SDK1: variants seen among roughly 807,000 people sequenced by gnomAD.
SDK1 encodes the protein sidekick cell adhesion molecule 1.
A neutral mutation model predicts 245.5 loss-of-function variants in SDK1; 157 were observed. The observed-to-expected ratio is 0.64, with a 90% CI of 0.56 to 0.73. The LOEUF (loss-of-function observed/expected upper bound fraction) is 0.73, where lower values mean the gene tolerates loss of function less well. Ranked by LOEUF, SDK1 falls within the 30% of genes least tolerant of loss-of-function variation. The probability of loss-of-function intolerance (pLI) is 0.00; values close to 1 mark genes in which losing one functional copy is unlikely to be tolerated. For missense variants in SDK1, 3,583 were observed against 3,002.3 expected (o/e 1.19, Z -4.52); for synonymous variants, 1,647 against 1,278.5 (o/e 1.29, Z -6.15).
intron 5 of SDK1, among the ~76,000 whole-genome samples, chr7:3,917,262 C>T (rs2128111274): frequency 6.6e-6 from 1 of 152,276 alleles, no homozygotes; most frequent in South Asian, 2.1e-4. Flanking sequence ...TCTCTATTTC[C>T]AAGTCAGCAT....
chr7:4,227,216 T>C, intron 40 of SDK1: 1 of 322,572 alleles, frequency 3.1e-6, no homozygotes, highest in Non-Finnish European at 6.2e-6. Flanking sequence ...AAGAGGGGGC[T>C]GTTGCCATGG....
intron 1 of SDK1, among the ~76,000 whole-genome samples, chr7:3,360,449 G>T (rs558865246): frequency 6.6e-6 from 1 of 152,258 alleles, no homozygotes; most frequent in African/African-American, 2.4e-5. Flanking sequence ...CAGATGCCAG[G>T]CTTATAATGT....
chr7:4,161,485 G>C (rs1781117298), intron 31 of SDK1, among the ~76,000 whole-genome samples: 1 of 152,174 alleles, frequency 6.6e-6, no homozygotes, highest in Non-Finnish European at 1.5e-5. Flanking sequence ...AGGGTCTCGA[G>C]CCAGAGAGCT....
chr7:3,658,016 C>T (rs7785945), intron 4 of SDK1, among the ~76,000 whole-genome samples: 3,561 of 152,288 alleles, frequency 0.023, 143 homozygotes, highest in African/African-American at 0.08. Context: ...AAGGGTCCTG[C>T]ACAGGCCTTG....
At chr7:3,928,032 T>G (rs1023158067) in intron 5 of SDK1, among the ~76,000 whole-genome samples, 1 of 152,212 alleles carries the variant, frequency 6.6e-6, no homozygotes. Context: ...ACTAGGAAAT[T>G]GACGACTTAT....
At chr7:3,303,740 T>G (rs1779342606) in intron 1 of SDK1, among the ~76,000 whole-genome samples, 1 of 152,232 alleles carries the variant, frequency 6.6e-6, no homozygotes, top group Non-Finnish European at 1.5e-5. Flanking sequence ...GTGAAATGTG[T>G]AATATATCCA....
intron 19 of SDK1, among the ~76,000 whole-genome samples, chr7:4,063,683 G>A (rs912643446): frequency 6.6e-6 from 1 of 150,440 alleles, no homozygotes. Flanking sequence ...CAAAAATAAC[G>A]AAACTGGAGG....
intron 1 of SDK1, among the ~76,000 whole-genome samples, chr7:3,413,654 G>C (rs1779276599): frequency 6.6e-6 from 1 of 152,030 alleles, no homozygotes; most frequent in Admixed American, 6.6e-5. Context: ...TCACACCACT[G>C]CACTCCAGGG....
chr7:4,208,258 C>T lies in SDK1; in HGVS notation c.5374C>T (p.Pro1792Ser). 2 of 1,613,610 alleles carry T rather than the reference C, an allele frequency of 1.2e-6. No homozygotes were observed. Among genetic ancestry groups the T allele is most frequent in the Non-Finnish European group, 1.7e-6 (2 of 1,179,902 alleles). The change falls in exon 37 of 45, where the codon CCC (proline) becomes TCC (serine). Residue 1792 changes from proline (P) to serine (S), a missense_variant. Physicochemically the swap from Pro to Ser is moderately conservative, Grantham distance 74 (BLOSUM62 -1). Transcript: ENST00000404826. ...NAAGDGPKSD[P>S]QQGRTHQAAP... ...CGCCGGAGATGGACCTAAGAGTGAC[C>T]CCCAGCAGGGGCGCACCCACCAGGC...
At chr7:3,750,949 C>T (rs781061972) in intron 4 of SDK1, among the ~76,000 whole-genome samples, 10 of 152,198 alleles carry the variant, frequency 6.6e-5, no homozygotes, top group South Asian at 2.1e-4. Flanking sequence ...CCTCTTTATG[C>T]GACTGTTTTA....
At chr7:3,653,202 A>G (rs560213840) in intron 4 of SDK1, among the ~76,000 whole-genome samples, 1 of 152,314 alleles carries the variant, frequency 6.6e-6, no homozygotes, top group African/African-American at 2.4e-5. Flanking sequence ...GCTGACTGTT[A>G]GGTGACACAT....
chr7:3,361,895 T>A (rs559458654), intron 1 of SDK1, among the ~76,000 whole-genome samples: 16 of 152,352 alleles, frequency 1.1e-4, no homozygotes, highest in South Asian at 4.1e-4. Flanking sequence ...GGCAATTTTT[T>A]AAAATATCTT....
At chr7:4,234,036 G>A (rs979229830) in intron 41 of SDK1, among the ~76,000 whole-genome samples, 2 of 152,202 alleles carry the variant, frequency 1.3e-5, no homozygotes, top group African/African-American at 4.8e-5. Context: ...ACGCATCCTT[G>A]CCGAGGAGCA....
At chr7:3,468,367 G>A (rs753635845) in intron 1 of SDK1, among the ~76,000 whole-genome samples, 5 of 152,064 alleles carry the variant, frequency 3.3e-5, no homozygotes, top group Non-Finnish European at 7.4e-5. Flanking sequence ...TAGAAGCAAG[G>A]CTTTCTCTGA....
intron 1 of SDK1, among the ~76,000 whole-genome samples, chr7:3,439,501 G>A (rs142527955): frequency 2.6e-5 from 4 of 152,244 alleles, no homozygotes; most frequent in African/African-American, 9.6e-5. Flanking sequence ...CAGTTAATGT[G>A]CCAAGAAGCA....
chr7:3,597,227 G>C (rs554403649), intron 1 of SDK1, among the ~76,000 whole-genome samples: 2 of 146,716 alleles, frequency 1.4e-5, no homozygotes, highest in Admixed American at 1.4e-4. Flanking sequence ...AGCCCAGATC[G>C]CGCCACTGCA....
intron 5 of SDK1, among the ~76,000 whole-genome samples, chr7:3,846,772 C>G (rs773927353): frequency 3.3e-5 from 5 of 152,160 alleles, no homozygotes; most frequent in Non-Finnish European, 7.4e-5. Flanking sequence ...ACAGCCGTGT[C>G]TTTACCCCTG....
chr7:3,974,639 G>T, intron 13 of SDK1, 94 bp downstream of exon 13: 1 of 1,238,250 alleles, frequency 8.1e-7, no homozygotes. Flanking sequence ...GTCACGCCCG[G>T]CTTGTGTCCC....
At chr7:3,943,971 C>G (rs1017235296) in intron 5 of SDK1, among the ~76,000 whole-genome samples, 3 of 152,176 alleles carry the variant, frequency 2.0e-5, no homozygotes, top group African/African-American at 7.2e-5. Flanking sequence ...TGCAGAAATC[C>G]TCCTTTGACT....
Sources: allele counts gnomAD v4.1 joint callset (sites outside exome capture counted in the v4.1 genomes callset), GRCh38; gene constraint gnomAD v4.1.1; transcripts MANE v1.5; gene names NCBI Gene and HGNC (gene_info 2026-07-23, HGNC 2026-07-21).